The following YTHDF3 variants were observed in gnomAD, a reference collection of about 807,000 sequenced individuals.
YTHDF3 encodes the protein YTH domain-containing family protein 3.
YTHDF3 carries 9 observed loss-of-function variants against 52.5 expected under a neutral mutation model. The observed-to-expected ratio is 0.17, with a 90% CI of 0.10 to 0.30. The LOEUF is 0.30. YTHDF3 is among the 10% of genes least tolerant of loss of function. YTHDF3 has a pLI of 1.00. For synonymous variants in YTHDF3, 274 were observed against 243.3 expected (o/e 1.13, Z -1.18); for missense variants, 534 against 715.0 (o/e 0.75, Z 2.89).
At chr8:63,188,361 C>T (rs887245092) in intron 4 of YTHDF3, among the ~76,000 whole-genome samples, 1 of 150,926 alleles carries the variant, frequency 6.6e-6, no homozygotes, top group African/African-American at 2.4e-5. Flanking sequence ...GACAGGGTCT[C>T]TCTTGTCCCG....
intron 4 of YTHDF3, among the ~76,000 whole-genome samples, chr8:63,203,645 A>G (rs888775163): frequency 3.3e-5 from 5 of 152,146 alleles, no homozygotes; most frequent in African/African-American, 9.7e-5. Context: ...GGTTTTCCAC[A>G]TTTTCCCAGT....
chr8:63,173,582 G>A (rs936547168), intron 2 of YTHDF3: 11 of 815,154 alleles, frequency 1.3e-5, no homozygotes, highest in African/African-American at 1.3e-4. Flanking sequence ...TGACTAACAT[G>A]TATGAGTGTA....
intron 3 of YTHDF3, among the ~76,000 whole-genome samples, chr8:63,181,141 T>C (rs1808106359): frequency 3.9e-5 from 6 of 152,360 alleles, no homozygotes; most frequent in Admixed American, 3.3e-4. Context: ...AAGTTGAGTT[T>C]GTCTGCTTGT....
At chr8:63,178,111 T>C (rs1242105365) in intron 3 of YTHDF3, among the ~76,000 whole-genome samples, 1 of 152,224 alleles carries the variant, frequency 6.6e-6, no homozygotes, top group East Asian at 1.9e-4. Flanking sequence ...AGTTTTGGAA[T>C]TGCTACCTGA....
At position 63,186,633 on chromosome 8, in the gene YTHDF3, G is replaced by C; in HGVS notation, c.622G>C (p.Val208Leu). 6.2e-7 allele frequency: 1 copy of C among 1,614,016 alleles called. No homozygotes were observed. The highest frequency in any genetic ancestry group is 8.5e-7 in the Non-Finnish European group (1 of 1,179,898). ...GDLTAAVTKTVGTALSSSGMT... is the reference protein window; with the variant it reads ...GDLTAAVTKTLGTALSSSGMT... ...CCTGACAGCTGCAGTGACAAAAACTGTAGGTACAGCTTTGAGCAGCAGTGG... is the reference window on the plus strand; with the variant it reads ...CCTGACAGCTGCAGTGACAAAAACTCTAGGTACAGCTTTGAGCAGCAGTGG... The change falls in exon 4 of 5, where the codon GTA becomes CTA. Residue 208 changes from valine (V) to leucine (L), a missense_variant. Transcript: ENST00000539294.
chr8:63,168,940 GC>G lies in YTHDF3; in HGVS notation c.24+43del, dbSNP rs1020697369. On this transcript the variant is annotated intron_variant, in intron 1 of 4. Transcript: ENST00000539294. ...GGCCCCAGGCTTGGCGAAGGCCCGA[GC>G]CCCGGAGCTCCACCCTCGCGCGGGG... The G allele has an allele frequency of 3.2e-6, 5 of 1,546,432 alleles. No individual in the cohort carries two copies. The African/African-American group carries it at 6.9e-5, about 21-fold the overall frequency.
At chr8:63,207,882 G>A (rs189647810) in intron 4 of YTHDF3, among the ~76,000 whole-genome samples, 1 of 152,196 alleles carries the variant, frequency 6.6e-6, no homozygotes, top group African/African-American at 2.4e-5. Context: ...TAGCTTATTA[G>A]AGTGTGCTTC....
At chr8:63,171,544 C>T (rs1174565260) in intron 2 of YTHDF3, among the ~76,000 whole-genome samples, 1 of 152,060 alleles carries the variant, frequency 6.6e-6, no homozygotes, top group East Asian at 1.9e-4. Context: ...AACAAATATA[C>T]GTTACTTGTA....
At chr8:63,200,208 G>A (rs35466677) in intron 4 of YTHDF3, among the ~76,000 whole-genome samples, 3 of 152,132 alleles carry the variant, frequency 2.0e-5, no homozygotes, top group Non-Finnish European at 2.9e-5. Flanking sequence ...CTGTATGCCA[G>A]AGGCTGCCTA....
In YTHDF3 at chr8:63,169,563, A is replaced by G. The variant is rs543860643; in HGVS notation, c.49+152A>G. ...ATCATGGCTAAGGTAGCCAAGTTCTATCCAGAACTTCGGTAGTTCGTTGCT... is the reference window on the plus strand; with the variant it reads ...ATCATGGCTAAGGTAGCCAAGTTCTGTCCAGAACTTCGGTAGTTCGTTGCT... On this transcript the variant is annotated intron_variant, in intron 2 of 4. Coordinates refer to ENST00000539294, the MANE Select transcript of YTHDF3 (RefSeq NM_152758.6). The G allele has an allele frequency of 1.7e-4, 140 of 804,224 alleles. No homozygotes were observed. In the African/African-American group the frequency reaches 2.3e-3, roughly 13 times the overall value. 49.8% of individuals were successfully genotyped at this position (804,224 alleles called of 1,614,324 possible). A position where few individuals can be genotyped will look rare whatever the true frequency, so the allele number is the denominator to read the frequency against.
chr8:63,168,889 T>C lies in YTHDF3; in HGVS notation c.12T>C (p.Thr4=). MSA[T]SVDQRPKGQG... ...GGTTGCGGTGAAGAATGTCAGCCAC[T>C]AGCGTGGATCAGGTGAGGGAGCAGA... Residue 4 remains threonine (T), a synonymous_variant, in exon 1 of 5, where the codon ACT becomes ACC. Transcript: ENST00000539294. The C allele has an allele frequency of 6.4e-7, 1 of 1,553,902 alleles. No homozygotes were observed. The highest frequency in any genetic ancestry group is 1.2e-5 in the South Asian group (1 of 84,220).
intron 2 of YTHDF3, chr8:63,172,774 G>A (rs1488049424): frequency 1.3e-5 from 16 of 1,231,364 alleles, no homozygotes. Flanking sequence ...GTTTCATAGA[G>A]CAGAGGAAAC....
intron 4 of YTHDF3, among the ~76,000 whole-genome samples, chr8:63,198,227 TTTTCC>T (rs561077044): frequency 2.0e-5 from 3 of 152,100 alleles, no homozygotes; most frequent in Non-Finnish European, 4.4e-5. Flanking sequence ...CTTTCTTTTC[TTTTCC>T]TTTCCTTTCC....
At chr8:63,180,560 C>A (rs527997448) in intron 3 of YTHDF3, among the ~76,000 whole-genome samples, 9 of 152,248 alleles carry the variant, frequency 5.9e-5, no homozygotes, top group Admixed American at 2.0e-4. Flanking sequence ...CTCCTCACTT[C>A]CCAGACGGGG....
At chr8:63,173,603 A>C (rs1226296143) in intron 2 of YTHDF3, 2 of 973,014 alleles carry the variant, frequency 2.1e-6, no homozygotes, top group Non-Finnish European at 2.4e-6. Context: ...ATAGTGAAGA[A>C]TTTTTTTTCA....
rs1249589180 is a variant in YTHDF3, at chr8:63,212,048, G to T, written c.*2342G>T. 1 of 152,524 alleles carries T rather than the reference G, an allele frequency of 6.6e-6. No homozygotes were observed. The highest frequency in any genetic ancestry group is 1.9e-4 in the East Asian group (1 of 5,196). The allele number at this position is 152,524 out of a possible 1,614,324, so 9.4% of individuals were successfully genotyped here. A position where few individuals can be genotyped will look rare whatever the true frequency, so the allele number is the denominator to read the frequency against. On this transcript the variant is annotated 3_prime_UTR_variant, in exon 5 of 5. Transcript: ENST00000539294. ...GTCTCTTAACTGTGGGGACCAAAAG[G>T]GAGAGAGCCTGGGGTCTACAAGAGG...
At position 63,186,688 on chromosome 8, in the gene YTHDF3, C is replaced by T. The variant is rs1401328415; in HGVS notation, c.677C>T (p.Pro226Leu). The change falls in exon 4 of 5, where the codon CCC (proline) becomes CTC (leucine). Residue 226 changes from proline (P) to leucine (L), a missense_variant. By Grantham distance (98) the Pro-to-Leu change is moderately conservative. Around this residue, in one of 3 missense-constraint regions of YTHDF3, gnomAD observed 196 missense variants for 299.5 expected, o/e 0.65. Transcript: ENST00000539294. ...ACTAGCATTGCAACCAATAGTGTGC[C>T]CCCAGTTAGCAGTGCAGCACCTAAA... Reference protein sequence around the residue: ...GMTSIATNSVPPVSSAAPKPT... With the variant: ...GMTSIATNSVLPVSSAAPKPT... 1.2e-6 allele frequency: 2 copies of T among 1,613,752 alleles called. No individual in the cohort carries two copies. Among genetic ancestry groups the T allele is most frequent in the Admixed American group, 1.7e-5 (1 of 59,988 alleles).
intron 4 of YTHDF3, among the ~76,000 whole-genome samples, chr8:63,198,013 T>C (rs1809348136): frequency 6.6e-6 from 1 of 152,196 alleles, no homozygotes; most frequent in Non-Finnish European, 1.5e-5. Context: ...TAATTCCACA[T>C]AGGAATAATT....
chr8:63,173,248 T>TA (rs1807464597), intron 2 of YTHDF3, among the ~76,000 whole-genome samples: 1 of 123,640 alleles, frequency 8.1e-6, no homozygotes, highest in Admixed American at 8.1e-5. Flanking sequence ...TTTTCCTTTT[T>TA]TTTTTTTTAA....
Sources: allele counts gnomAD v4.1 joint callset (sites outside exome capture counted in the v4.1 genomes callset), GRCh38; gene constraint gnomAD v4.1.1; regional missense constraint gnomAD v4.1.1; transcripts MANE v1.5; gene names NCBI Gene and HGNC (gene_info 2026-07-23, HGNC 2026-07-21).